SPATA13: variants seen among roughly 807,000 people sequenced by gnomAD.
SPATA13 encodes the protein spermatogenesis associated 13.
A neutral mutation model predicts 104.0 loss-of-function variants in SPATA13; 50 were observed. The ratio of observed to expected loss-of-function variants is 0.48; its 90% confidence interval spans 0.38 to 0.61. The LOEUF is 0.61. Among genes scored for constraint, SPATA13 ranks in the 20% least tolerant of loss-of-function variants. The pLI is 0.00. For synonymous variants in SPATA13, 606 were observed against 667.5 expected (o/e 0.91, Z 1.42); for missense variants, 1,524 against 1,690.6 (o/e 0.90, Z 1.73).
At chr13:24,014,433 G>A (rs1876618324) in intron 2 of SPATA13, among the ~76,000 whole-genome samples, 1 of 152,038 alleles carries the variant, frequency 6.6e-6, no homozygotes, top group Non-Finnish European at 1.5e-5. Flanking sequence ...ACTACTAATA[G>A]CCTGCTATTG....
intron 3 of SPATA13, among the ~76,000 whole-genome samples, chr13:24,117,411 A>T (rs1488632982): frequency 6.6e-6 from 1 of 152,172 alleles, no homozygotes. Flanking sequence ...TTGTATCAGG[A>T]CTATTATGCC....
At chr13:24,044,801 C>A (rs1878069322) in intron 3 of SPATA13, among the ~76,000 whole-genome samples, 1 of 148,392 alleles carries the variant, frequency 6.7e-6, no homozygotes, top group Non-Finnish European at 1.5e-5. Flanking sequence ...CACAGAAGGA[C>A]AAATACTGCG....
intron 3 of SPATA13, among the ~76,000 whole-genome samples, chr13:24,078,681 C>G (rs527793800): frequency 1.4e-4 from 22 of 152,290 alleles, no homozygotes; most frequent in East Asian, 7.7e-4. Flanking sequence ...AGTTGTCGCC[C>G]TAGTCCATAA....
Position 24,224,571 on chromosome 13 carries a change from G to A in SPATA13, c.1642G>A (p.Glu548Lys), listed in dbSNP as rs1304156249. 1 of 1,538,448 alleles carries A rather than the reference G, an allele frequency of 6.5e-7. No homozygotes were observed. The highest frequency in any genetic ancestry group is 1.4e-5 in the African/African-American group (1 of 73,184). Residue 548 changes from glutamate to lysine, a missense_variant, in exon 2 of 13, where the codon GAG becomes AAG. Transcript: ENST00000382108. ...IGVAAGPEEKEKEEVVPDGPW... is the reference protein window; with the variant it reads ...IGVAAGPEEKKKEEVVPDGPW... The stretch of plus-strand genomic sequence containing the variant: ...TGTGGCAGCCGGCCCAGAAGAAAAG[G>A]AGAAGGAGGAGGTAAGGGCAGCGGC...
intron 4 of SPATA13, among the ~76,000 whole-genome samples, chr13:24,258,245 A>T (rs1368564260): frequency 1.3e-5 from 2 of 151,830 alleles, no homozygotes; most frequent in Non-Finnish European, 2.9e-5. Flanking sequence ...CAAAAAAAAA[A>T]AAATAAAAAG....
At chr13:24,017,328 A>G (rs543414356) in intron 2 of SPATA13, among the ~76,000 whole-genome samples, 2 of 152,282 alleles carry the variant, frequency 1.3e-5, no homozygotes, top group East Asian at 3.9e-4. Context: ...CCGAACCAGA[A>G]CCTACGTAAG....
intron 3 of SPATA13, among the ~76,000 whole-genome samples, chr13:24,049,974 G>T (rs1001511520): frequency 6.6e-6 from 1 of 152,146 alleles, no homozygotes; most frequent in Admixed American, 6.5e-5. Context: ...CCCGGTTCAA[G>T]CAATTCTCCT....
intron 3 of SPATA13, among the ~76,000 whole-genome samples, chr13:24,024,244 G>A (rs1877103684): frequency 6.6e-6 from 1 of 152,172 alleles, no homozygotes; most frequent in Non-Finnish European, 1.5e-5. Flanking sequence ...ATGGTTGTAT[G>A]CGCTCTAAGA....
chr13:23,980,367 C>T (rs907805273), intron 1 of SPATA13, among the ~76,000 whole-genome samples: 1 of 152,174 alleles, frequency 6.6e-6, no homozygotes, highest in African/African-American at 2.4e-5. Flanking sequence ...GCGGGGGAGG[C>T]CGAAATCTCC....
rs368803372 is a variant in SPATA13, at chr13:24,234,249, C to A, written c.1653+9667C>A. ...ATAGGAAGCAATATCATAATATATT[C>A]TTCAGTGTTTTCTTATTTTATCTTA... On this transcript the variant is annotated intron_variant, in intron 2 of 12. Transcript: ENST00000382108. 5.3e-5 allele frequency among the ~76,000 whole-genome samples: 8 copies of A among 152,244 alleles called. No individual in the cohort carries two copies. In the East Asian group the frequency reaches 9.6e-4, roughly 18 times the overall value.
chr13:24,194,850 C>T (rs1869963472), intron 1 of SPATA13, among the ~76,000 whole-genome samples: 1 of 152,198 alleles, frequency 6.6e-6, no homozygotes, highest in African/African-American at 2.4e-5. Context: ...AGGATAGTTG[C>T]AGAATGTTTG....
At chr13:24,037,160 A>G (rs1877713847) in intron 3 of SPATA13, among the ~76,000 whole-genome samples, 1 of 137,220 alleles carries the variant, frequency 7.3e-6, no homozygotes, top group South Asian at 2.3e-4. Flanking sequence ...CAATGAGAAC[A>G]CTTGGACACA....
At chr13:24,052,425 T>G (rs995990999) in intron 3 of SPATA13, among the ~76,000 whole-genome samples, 3 of 151,928 alleles carry the variant, frequency 2.0e-5, no homozygotes. Flanking sequence ...AAAAATAAAT[T>G]TTAGAAAATT....
rs563002600 is a variant in SPATA13, at chr13:24,097,964, A to T, written c.-112+80263A>T. 1.2e-3 allele frequency among the ~76,000 whole-genome samples: 179 copies of T among 152,354 alleles called. 2 individuals are homozygous for T. Among genetic ancestry groups the T allele is most frequent in the Non-Finnish European group, 4.9e-4 (33 of 68,032 alleles). On this transcript the variant is annotated intron_variant, in intron 3 of 14. Transcript: ENST00000424834. ...AAGCCACTGTGGTTTTGAATACTAC[A>T]TGAAAACAGAAGGACCTCCATGAGG...
chr13:24,295,954 T>A (rs373269830), intron 10 of SPATA13, among the ~76,000 whole-genome samples: 9 of 152,104 alleles, frequency 5.9e-5, no homozygotes. Context: ...GGCTTCAAAG[T>A]CCGTGCTGGT....
At chr13:24,181,364 T>C (rs1381131805) in intron 1 of SPATA13, among the ~76,000 whole-genome samples, 1 of 152,236 alleles carries the variant, frequency 6.6e-6, no homozygotes, top group Non-Finnish European at 1.5e-5. Context: ...AAATTTTAAT[T>C]TTTAAAATCT....
At chr13:24,191,125 TAATTA>T (rs2138550352) in intron 1 of SPATA13, among the ~76,000 whole-genome samples, 1 of 152,212 alleles carries the variant, frequency 6.6e-6, no homozygotes, top group South Asian at 2.1e-4. Context: ...TTAAATTTAT[TAATTA>T]AATTAATTAA....
At chr13:24,026,534 T>TA (rs1436032950) in intron 3 of SPATA13, among the ~76,000 whole-genome samples, 1 of 152,194 alleles carries the variant, frequency 6.6e-6, no homozygotes, top group African/African-American at 2.4e-5. Context: ...TACAAAATTG[T>TA]ATGTAGGAAT....
chr13:24,212,617 T>C (rs1871088032), intron 1 of SPATA13, among the ~76,000 whole-genome samples: 1 of 152,206 alleles, frequency 6.6e-6, no homozygotes, highest in Admixed American at 6.5e-5. Context: ...CAGCAGACTT[T>C]GACAGGTTTT....
Sources: gnomAD v4.1 joint callset for allele counts (sites outside exome capture counted in the v4.1 genomes callset) on GRCh38, gnomAD v4.1.1 for gene constraint, MANE v1.5 for transcripts, NCBI Gene and HGNC (gene_info 2026-07-23, HGNC 2026-07-21) for gene names.